Variants in RFWD3 observed in about 807,000 individuals in gnomAD.
RFWD3 encodes ring finger and WD repeat domain 3.
A neutral mutation model predicts 87.7 loss-of-function variants in RFWD3; 65 were observed. The ratio of observed to expected loss-of-function variants is 0.74; its 90% CI spans 0.61 to 0.91. The LOEUF is 0.91. Among genes scored for constraint, RFWD3 ranks in the 40% least tolerant of loss-of-function variants. The pLI is 0.00. For missense variants in RFWD3, 1,078 were observed against 938.5 expected, an observed-to-expected ratio of 1.15 and a Z score of -1.94; for synonymous variants, 433 against 352.8, an observed-to-expected ratio of 1.23 and a Z score of -2.55.
intron 10 of RFWD3, 30 bp from the exon 11 acceptor site, chr16:74,628,696 A>C: frequency 2.0e-3 from 3,145 of 1,564,954 alleles, no homozygotes; most frequent in Non-Finnish European, 2.5e-3. Context: ...ACTGTATCTC[A>C]CACTCCAAAA....
chr16:74,630,969 CA>C lies in RFWD3; in HGVS notation c.1578-13del. 1 of 1,592,268 alleles carries C rather than the reference CA, an allele frequency of 6.3e-7. No individual in the cohort carries two copies. The highest frequency in any genetic ancestry group is 8.5e-7 in the Non-Finnish European group (1 of 1,173,626). ...TATTTGTCTCCAGGCTGTGGAGTTA[CA>C]AAAGACTTTTACAACTGCATTAAGA... On this transcript the variant is annotated splice_polypyrimidine_tract_variant and intron_variant, in intron 9 of 12. Coordinates refer to ENST00000361070, the MANE Select transcript of RFWD3 (RefSeq NM_018124.4).
chr16:74,628,547 GAA>G lies in RFWD3; in HGVS notation c.1872_1873del (p.His626LeufsTer31). On this transcript the variant is annotated frameshift_variant, in exon 11 of 13. Coordinates refer to ENST00000361070, the MANE Select transcript of RFWD3 (RefSeq NM_018124.4). LOFTEE classifies it high-confidence loss of function. Reference sequence around the variant, plus strand: ...CAAGGGCAGCACATGAGGCCAATGAGAAAAGTCCATTTTCTGTTCCCAGAATG... The same window carrying G: ...CAAGGGCAGCACATGAGGCCAATGAGAAGTCCATTTTCTGTTCCCAGAATG... 1.2e-6 allele frequency: 2 copies of G among 1,614,184 alleles called. No individual in the cohort carries two copies. The highest frequency in any genetic ancestry group is 8.5e-7 in the Non-Finnish European group (1 of 1,180,036).
At chr16:74,648,038 C>G (rs1960291695) in intron 4 of RFWD3, among the ~76,000 whole-genome samples, 1 of 152,096 alleles carries the variant, frequency 6.6e-6, no homozygotes, top group African/African-American at 2.4e-5. Flanking sequence ...CCTTGACCTC[C>G]CAGGCTCAAG....
At chr16:74,628,008 C>T (rs1958987027) in intron 11 of RFWD3, among the ~76,000 whole-genome samples, 1 of 152,190 alleles carries the variant, frequency 6.6e-6, no homozygotes, top group Admixed American at 6.5e-5. Flanking sequence ...CAGAGATGTT[C>T]AGCTGGCTGG....
At chr16:74,651,691 C>T (rs6564154) in intron 3 of RFWD3, among the ~76,000 whole-genome samples, 111,514 of 152,160 alleles carry the variant, frequency 0.73, 41,341 homozygotes, top group African/African-American at 0.84. Flanking sequence ...CAAAATGCCA[C>T]TACAAAGTGA....
chr16:74,638,608 T>C (rs1429391800), intron 6 of RFWD3, among the ~76,000 whole-genome samples: 4 of 152,206 alleles, frequency 2.6e-5, no homozygotes, highest in African/African-American at 9.6e-5. Flanking sequence ...AAGATAAAGC[T>C]GCCCTTATTA....
rs1199875167 is a variant in RFWD3 at position 74,628,675 on chromosome 16, A to T, written c.1755-9T>A. The T allele has an allele frequency of 1.2e-6, 2 of 1,613,718 alleles. No homozygotes were observed. Among genetic ancestry groups the T allele is most frequent in the Admixed American group, 1.7e-5 (1 of 60,016 alleles). On this transcript the variant is annotated splice_polypyrimidine_tract_variant and intron_variant, in intron 10 of 12. Transcript: ENST00000361070. ...GGGAGACCAGTGGGCATCTGAAAGG[A>T]AAGTAAGGAAACTGTATCTCACACT...
In RFWD3 at chr16:74,639,114, C is replaced by T. The variant is rs558067327; in HGVS notation, c.1080-1144G>A. 4.0e-5 allele frequency among the ~76,000 whole-genome samples: 6 copies of T among 151,160 alleles called. No homozygotes were observed. In the South Asian group the frequency reaches 8.4e-4, roughly 21 times the overall value. On this transcript the variant is annotated intron_variant, in intron 6 of 12. Transcript: ENST00000361070. Reference sequence around the variant, plus strand: ...AGAGCAGTGGCGTGATCCAGGCTCACGGCTACCTCCGCCCCCCGGGTTCAA... The same window carrying T: ...AGAGCAGTGGCGTGATCCAGGCTCATGGCTACCTCCGCCCCCCGGGTTCAA...
chr16:74,637,661 T>C (rs369457640), intron 7 of RFWD3, among the ~76,000 whole-genome samples, 195 bp downstream of exon 7: 3 of 152,228 alleles, frequency 2.0e-5, no homozygotes, highest in African/African-American at 4.8e-5. Context: ...ATTCAGACTA[T>C]AGTAGACCTC....
chr16:74,661,120 G>C lies in RFWD3; in HGVS notation c.330C>G (p.His110Gln), dbSNP rs567052832. The C allele has an allele frequency of 3.7e-6, 6 of 1,614,046 alleles. No homozygotes were observed. The highest frequency in any genetic ancestry group is 5.1e-6 in the Non-Finnish European group (6 of 1,180,012). ...EQHRQGSDGNHTIPASSLHSM... is the reference protein window; with the variant it reads ...EQHRQGSDGNQTIPASSLHSM... ...AATGCAACGAAGATGCTGGGATGGT[G>C]TGATTACCATCAGATCCCTGCCTAT... The change falls in exon 2 of 13, where the codon CAC becomes CAG. Residue 110 changes from histidine to glutamine, a missense_variant. By Grantham distance (24) the His-to-Gln change is conservative. Coordinates refer to ENST00000361070, the MANE Select transcript of RFWD3 (RefSeq NM_018124.4).
chr16:74,631,523 A>G (rs1194449185), intron 9 of RFWD3, among the ~76,000 whole-genome samples: 2 of 151,726 alleles, frequency 1.3e-5, no homozygotes, highest in African/African-American at 4.8e-5. Context: ...GGTATGTAAC[A>G]TTTTTCTACC....
chr16:74,646,844 G>T (rs1468961503), intron 4 of RFWD3, among the ~76,000 whole-genome samples: 1 of 151,772 alleles, frequency 6.6e-6, no homozygotes. Context: ...AGCCCGAAGC[G>T]GGCGGATCAC....
intron 3 of RFWD3, among the ~76,000 whole-genome samples, chr16:74,650,354 T>G (rs1323096962): frequency 7.1e-6 from 1 of 140,934 alleles, no homozygotes; most frequent in Non-Finnish European, 1.6e-5. Flanking sequence ...GATTCAGGGC[T>G]TTTTTTTTTT....
rs1180130850 is a variant in RFWD3 at position 74,636,435 on chromosome 16, T to A, written c.1337A>T (p.Gln446Leu). The A allele has an allele frequency of 6.2e-7, 1 of 1,603,366 alleles. No individual in the cohort carries two copies. Among genetic ancestry groups the A allele is most frequent in the Admixed American group, 1.7e-5 (1 of 60,010 alleles). ...TGCCATGATCCGGCAGTTTCCTGCC[T>A]GAGATACTGTGAAGGTCTTTTGGAA... is the stretch of plus-strand genomic sequence containing the variant. Reference protein sequence around the residue: ...YHFQKTFTVSQAGNCRIMAYC... With the variant: ...YHFQKTFTVSLAGNCRIMAYC... Residue 446 changes from glutamine (Q) to leucine (L), a missense_variant, in exon 8 of 13, where the codon CAG becomes CTG. Coordinates refer to ENST00000361070, the MANE Select transcript of RFWD3 (RefSeq NM_018124.4).
At position 74,661,218 on chromosome 16, in the gene RFWD3, C is replaced by A. The variant is rs1961406472; in HGVS notation, c.232G>T (p.Val78Phe). The change falls in exon 2 of 13, where the codon GTT becomes TTT. Residue 78 changes from valine (V) to phenylalanine (F), a missense_variant. Physicochemically the swap from Val to Phe is conservative, Grantham distance 50. Transcript: ENST00000361070. ...PLLQPAPQLSVDLTEVEVLGE... is the reference protein window; with the variant it reads ...PLLQPAPQLSFDLTEVEVLGE... ...AAGACCTCCACTTCTGTCAGGTCAACAGACAGTTGCGGAGCAGGCTGGAGC... is the reference window on the plus strand; with the variant it reads ...AAGACCTCCACTTCTGTCAGGTCAAAAGACAGTTGCGGAGCAGGCTGGAGC... 1.2e-6 allele frequency: 2 copies of A among 1,614,130 alleles called. No homozygotes were observed. The highest frequency in any genetic ancestry group is 1.7e-6 in the Non-Finnish European group (2 of 1,180,054).
rs1960806654 is a variant in RFWD3, at chr16:74,654,385, A to T, written c.519-2263T>A. Among the ~76,000 whole-genome samples, 3 of 151,334 alleles carry T rather than the reference A, an allele frequency of 2.0e-5. No individual in the cohort carries two copies. In the South Asian group the frequency reaches 6.3e-4, roughly 32 times the overall value. ...TTTGTTTGTTCCTCTGTTATTTAGG[A>T]GTGTGTTATGTAATTTTTACAAGTT... On this transcript the variant is annotated intron_variant, in intron 2 of 12. Transcript: ENST00000361070.
chr16:74,635,613 T>TG (rs1178851097), intron 8 of RFWD3, among the ~76,000 whole-genome samples: 1 of 152,228 alleles, frequency 6.6e-6, no homozygotes, highest in African/African-American at 2.4e-5. Flanking sequence ...ATTCCCAATT[T>TG]GGGGAACATT....
intron 8 of RFWD3, among the ~76,000 whole-genome samples, chr16:74,635,107 C>T (rs557560432): frequency 5.9e-5 from 9 of 152,028 alleles, no homozygotes; most frequent in Middle Eastern, 3.4e-3. Flanking sequence ...GGTGAAACTC[C>T]GTCTCTTCTA....
chr16:74,626,949 A>G (rs1239252090), intron 11 of RFWD3, among the ~76,000 whole-genome samples: 3 of 152,188 alleles, frequency 2.0e-5, no homozygotes, highest in Non-Finnish European at 4.4e-5. Flanking sequence ...CTGGGACTGC[A>G]CATTTTTATA....
Sources: allele counts gnomAD v4.1 joint callset (sites outside exome capture counted in the v4.1 genomes callset), GRCh38; gene constraint gnomAD v4.1.1; transcripts MANE v1.5; gene names NCBI Gene and HGNC (gene_info 2026-07-23, HGNC 2026-07-21).